OXTR: variants seen among roughly 807,000 people sequenced by gnomAD.
The protein encoded by OXTR is oxytocin receptor.
Under a neutral mutation model 23.9 loss-of-function variants are expected in OXTR, and 19 were observed. That is an observed-to-expected ratio of 0.80 (90% CI 0.56 to 1.17). OXTR has a LOEUF of 1.17. Ranked by LOEUF, OXTR falls within the 50% of genes most tolerant of loss-of-function variation. OXTR has a pLI of 0.00. For missense variants in OXTR, 500 were observed against 550.7 expected, an observed-to-expected ratio of 0.91 and a Z score of 0.92; for synonymous variants, 278 against 250.5, an observed-to-expected ratio of 1.11 and a Z score of -1.04.
At chr3:8,744,763 C>T in the OXTR span, 1 of 152,270 alleles carries the variant, frequency 6.6e-6, no homozygotes. Context: ...CCGTCCAACA[C>T]CCTTCAGATC....
Position 8,767,714 on chromosome 3 carries a change from G to T in OXTR, c.474C>A (p.Leu158=). ...LRRRTDRLAV[L]ATWLGCLVAS... ...CCACCAGGCAGCCGAGCCACGTGGCGAGCACTGCCAGGCGGTCGGTGCGGC... is the reference window on the plus strand; with the variant it reads ...CCACCAGGCAGCCGAGCCACGTGGCTAGCACTGCCAGGCGGTCGGTGCGGC... The change falls in exon 3 of 4, where the codon CTC becomes CTA. Residue 158 remains leucine (L), a synonymous_variant. Transcript: ENST00000316793. 6.2e-7 allele frequency: 1 copy of T among 1,609,906 alleles called. No homozygotes were observed. The highest frequency in any genetic ancestry group is 8.5e-7 in the Non-Finnish European group (1 of 1,178,182).
intron 3 of OXTR, among the ~76,000 whole-genome samples, chr3:8,759,458 T>C (rs1163807790): frequency 6.6e-6 from 1 of 152,092 alleles, no homozygotes; most frequent in East Asian, 1.9e-4. Context: ...TACTGGAAAA[T>C]AGGAAGAGTT....
chr3:8,742,133 G>C, the OXTR span, among the ~76,000 whole-genome samples: 1 of 152,134 alleles, frequency 6.6e-6, no homozygotes, highest in Non-Finnish European at 1.5e-5. Context: ...AGAGCTGCCT[G>C]AGCCGGGCCT....
At chr3:8,746,955 A>G (rs1281497057), downstream of OXTR, among the ~76,000 whole-genome samples, 1 of 151,994 alleles carries the variant, frequency 6.6e-6, no homozygotes, top group African/African-American at 2.4e-5. Flanking sequence ...TCTCTCAGAG[A>G]TTTTCAATAG....
downstream of OXTR, among the ~76,000 whole-genome samples, chr3:8,747,815 G>A (rs897087425): frequency 7.9e-5 from 12 of 152,220 alleles, no homozygotes; most frequent in African/African-American, 2.9e-4. Context: ...TTCAGACTTG[G>A]AATCTTGGGT....
At chr3:8,767,218 C>T (rs1708625874) in intron 3 of OXTR, 48 bp downstream of exon 3, 3 of 1,500,226 alleles carry the variant, frequency 2.0e-6, no homozygotes, top group East Asian at 4.7e-5. Context: ...ATAAGGGCCT[C>T]CCCCAGCCAC....
In OXTR at chr3:8,767,732, G is replaced by T. The variant is rs200646072; in HGVS notation, c.456C>A (p.Thr152=). ...CQPLRSLRRR[T]DRLAVLATWL... is the part of the protein sequence containing the mutation. Reference sequence around the variant, plus strand: ...ACGTGGCGAGCACTGCCAGGCGGTCGGTGCGGCGGCGCAGCGAGCGCAGCG... The same window carrying T: ...ACGTGGCGAGCACTGCCAGGCGGTCTGTGCGGCGGCGCAGCGAGCGCAGCG... Residue 152 remains threonine, a synonymous_variant, in exon 3 of 4, where the codon ACC becomes ACA. Transcript: ENST00000316793. The T allele has an allele frequency of 6.2e-7, 1 of 1,609,624 alleles. No homozygotes were observed. The highest frequency in any genetic ancestry group is 8.5e-7 in the Non-Finnish European group (1 of 1,178,076).
chr3:8,749,748 T>C (rs1559659478), downstream of OXTR, among the ~76,000 whole-genome samples: 1 of 152,202 alleles, frequency 6.6e-6, no homozygotes, highest in Non-Finnish European at 1.5e-5. Flanking sequence ...GCTAAATCCT[T>C]AGACTTTGAA....
rs1337119469 is a variant in OXTR, at chr3:8,767,444, C to T, written c.744G>A (p.Ala248=). 5.0e-6 allele frequency: 8 copies of T among 1,603,208 alleles called. No homozygotes were observed. Among genetic ancestry groups the T allele is most frequent in the Admixed American group, 1.7e-5 (1 of 58,416 alleles). ...AAAAEAPEGA[A]AGDGGRVALA... is the part of the protein sequence containing the mutation. ...GGGCCACGCGCCCCCCATCGCCAGCCGCCGCGCCCTCTGGCGCCTCGGCCG... is the reference window on the plus strand; with the variant it reads ...GGGCCACGCGCCCCCCATCGCCAGCTGCCGCGCCCTCTGGCGCCTCGGCCG... The change falls in exon 3 of 4, where the codon GCG becomes GCA. Residue 248 remains alanine (A), a synonymous_variant. Coordinates refer to ENST00000316793, the MANE Select transcript of OXTR (RefSeq NM_000916.4).
At chr3:8,741,758 C>T in the OXTR span, among the ~76,000 whole-genome samples, 3,840 of 152,152 alleles carry the variant, frequency 0.025, 62 homozygotes, top group Middle Eastern at 0.034. Flanking sequence ...GAGGTATTTT[C>T]GACCCCGGGT....
In OXTR at chr3:8,768,639, G is replaced by C. The variant is rs1708697660; in HGVS notation, c.-238-48C>G. On this transcript the variant is annotated intron_variant, in intron 1 of 3. Coordinates refer to ENST00000316793, the MANE Select transcript of OXTR (RefSeq NM_000916.4). This position sits in a 1 kb window ranked among gnomAD's most constrained non-coding sequence, Gnocchi z 5.4. Reference sequence around the variant, plus strand: ...AATCAGCAACGTTCCTCCGGGAGTGGGAATCTAAAACCAAATCACCTCCCC... The same window carrying C: ...AATCAGCAACGTTCCTCCGGGAGTGCGAATCTAAAACCAAATCACCTCCCC... 1 of 157,354 alleles carries C rather than the reference G, an allele frequency of 6.4e-6. No homozygotes were observed. Among genetic ancestry groups the C allele is most frequent in the Admixed American group, 6.5e-5 (1 of 15,394 alleles). 9.7% of individuals were successfully genotyped at this position (157,354 alleles called of 1,614,324 possible).
intron 3 of OXTR, among the ~76,000 whole-genome samples, chr3:8,753,730 G>C (rs1209263013): frequency 6.6e-6 from 1 of 152,128 alleles, no homozygotes; most frequent in African/African-American, 2.4e-5. Flanking sequence ...AAACCTCTGG[G>C]GACTGCTGCA....
chr3:8,757,296 GTATTAA>G (rs1196945508), intron 3 of OXTR, among the ~76,000 whole-genome samples: 1 of 148,726 alleles, frequency 6.7e-6, no homozygotes, highest in African/African-American at 2.6e-5. Flanking sequence ...ATTAATATTA[GTATTAA>G]TATTAATATT....
At position 8,764,767 on chromosome 3, in the gene OXTR, G is replaced by A. The variant is rs558264903; in HGVS notation, c.922+2499C>T. ...TTGATGAGGTGCTCACATCTGGACT[G>A]GGCTCCTGCTCCTGGCTGTGTGCTT... On this transcript the variant is annotated intron_variant, in intron 3 of 3. Coordinates refer to ENST00000316793, the MANE Select transcript of OXTR (RefSeq NM_000916.4). Among the ~76,000 whole-genome samples, 5 of 152,324 alleles carry A rather than the reference G, an allele frequency of 3.3e-5. 1 individual carries two copies. Among genetic ancestry groups the A allele is most frequent in the Middle Eastern group, 6.8e-3 (2 of 294 alleles).
At chr3:8,764,117 T>C (rs1199499815) in intron 3 of OXTR, among the ~76,000 whole-genome samples, 1 of 152,134 alleles carries the variant, frequency 6.6e-6, no homozygotes, top group Non-Finnish European at 1.5e-5. Context: ...AGAGAGCAAA[T>C]GCTGAAGCAG....
intron 3 of OXTR, among the ~76,000 whole-genome samples, chr3:8,762,872 C>T (rs1406439160): frequency 2.5e-4 from 38 of 152,216 alleles, no homozygotes; most frequent in Non-Finnish European, 5.9e-5. Flanking sequence ...CAGACAGCTG[C>T]TTAGAAAGTC....
At chr3:8,767,136 G>T in intron 3 of OXTR, 130 bp downstream of exon 3, 3 of 829,132 alleles carry the variant, frequency 3.6e-6, no homozygotes, top group Non-Finnish European at 3.5e-6. Context: ...ACAGAGCAGT[G>T]ACTCTGTGGG....
intron 3 of OXTR, among the ~76,000 whole-genome samples, chr3:8,760,960 C>A (rs2125001501): frequency 6.6e-6 from 1 of 152,226 alleles, no homozygotes; most frequent in Non-Finnish European, 1.5e-5. Flanking sequence ...TGACTTTGCC[C>A]CTTAGTGAAC....
chr3:8,749,890 TAA>T (rs1708223761), downstream of OXTR, among the ~76,000 whole-genome samples: 3 of 152,292 alleles, frequency 2.0e-5, no homozygotes, highest in South Asian at 6.2e-4. Flanking sequence ...AAGTGTGTTA[TAA>T]AGAGACAGAG....
Sources: allele counts gnomAD v4.1 joint callset (sites outside exome capture counted in the v4.1 genomes callset), GRCh38; gene constraint gnomAD v4.1.1; non-coding constraint Gnocchi (gnomAD v3.1); transcripts MANE v1.5; gene names NCBI Gene and HGNC (gene_info 2026-07-23, HGNC 2026-07-21).